FRMD4A: variants seen among roughly 807,000 people sequenced by gnomAD.
The protein encoded by FRMD4A is FERM domain-containing protein 4A.
In FRMD4A, 29 loss-of-function variants were observed where a neutral mutation model predicts 129.1. The observed-to-expected ratio is 0.22, with a 90% CI of 0.17 to 0.31. The LOEUF is 0.31. FRMD4A is among the 10% of genes least tolerant of loss of function. The pLI is 1.00. For synonymous variants in FRMD4A, 634 were observed against 571.6 expected, an observed-to-expected ratio of 1.11 and a Z score of -1.56; for missense variants, 1,272 against 1,375.8, an observed-to-expected ratio of 0.92 and a Z score of 1.19.
At position 14,328,626 on chromosome 10, in the gene FRMD4A, ATGTGTGTGTG is replaced by A. The variant is rs58681647; in HGVS notation, c.45+1422_45+1431del. Among the ~76,000 whole-genome samples the A allele has an allele frequency of 7.5e-4, 107 of 142,476 alleles. 4 individuals are homozygous for A. The highest frequency in any genetic ancestry group is 2.1e-4 in the East Asian group (1 of 4,774). 93.5% of individuals were successfully genotyped at this position (142,476 alleles called of 152,430 possible). A position where few individuals can be genotyped will look rare whatever the true frequency, so the allele number is the denominator to read the frequency against. On this transcript the variant is annotated intron_variant, in intron 2 of 24. Coordinates refer to ENST00000357447, the MANE Select transcript of FRMD4A (RefSeq NM_018027.5). Reference sequence around the variant, plus strand: ...ACTAGATAATATAATATACATATGCATGTGTGTGTGTGTGTGTGTGTGTGTGTGTGTGTGC... The same window carrying A: ...ACTAGATAATATAATATACATATGCATGTGTGTGTGTGTGTGTGTGTGTGC...
At chr10:14,130,901 C>G (rs1256301083) in intron 2 of FRMD4A, among the ~76,000 whole-genome samples, 1 of 152,170 alleles carries the variant, frequency 6.6e-6, no homozygotes. Flanking sequence ...TAAAAATTCT[C>G]CAAAGTGAGA....
intron 5 of FRMD4A, among the ~76,000 whole-genome samples, chr10:13,785,117 C>T (rs986087944): frequency 1.3e-5 from 2 of 151,988 alleles, no homozygotes; most frequent in Non-Finnish European, 2.9e-5. Context: ...CAGCTTGCAA[C>T]CTCTTGTCTA....
At chr10:14,229,028 G>C (rs1370786666) in intron 2 of FRMD4A, among the ~76,000 whole-genome samples, 1 of 152,000 alleles carries the variant, frequency 6.6e-6, no homozygotes, top group Non-Finnish European at 1.5e-5. Context: ...TGTTCATGTG[G>C]ACTTTTCTTA....
intron 12 of FRMD4A, among the ~76,000 whole-genome samples, chr10:13,724,028 A>T (rs554355533): frequency 1.3e-5 from 2 of 152,358 alleles, no homozygotes; most frequent in South Asian, 2.1e-4. Flanking sequence ...CAGAAAAGTC[A>T]TGGGACTGCC....
At chr10:14,219,733 A>C (rs1022737082) in intron 2 of FRMD4A, among the ~76,000 whole-genome samples, 10 of 152,202 alleles carry the variant, frequency 6.6e-5, no homozygotes, top group Non-Finnish European at 1.0e-4. Context: ...AGAAGTGCCC[A>C]GGGCAAGCTG....
intron 2 of FRMD4A, among the ~76,000 whole-genome samples, chr10:14,258,035 T>C (rs2132029474): frequency 6.6e-6 from 1 of 152,196 alleles, no homozygotes; most frequent in South Asian, 2.1e-4. Context: ...TTACACTATA[T>C]ATAAAAATTA....
chr10:14,117,937 C>T (rs76569347), intron 2 of FRMD4A, among the ~76,000 whole-genome samples: 5,310 of 152,198 alleles, frequency 0.035, 139 homozygotes, highest in Non-Finnish European at 0.052. Context: ...AAAGTACCCT[C>T]GTGCCTCATG....
intron 2 of FRMD4A, among the ~76,000 whole-genome samples, chr10:14,054,559 G>C (rs1429432715): frequency 3.3e-5 from 5 of 151,906 alleles, no homozygotes; most frequent in Non-Finnish European, 7.4e-5. Context: ...TACACAGCCA[G>C]CATCCTATTT....
intron 3 of FRMD4A, among the ~76,000 whole-genome samples, chr10:13,813,658 T>C (rs982481940): frequency 7.9e-5 from 12 of 152,336 alleles, no homozygotes; most frequent in African/African-American, 2.9e-4. Flanking sequence ...TCAAGCCTGT[T>C]TTATCATAGA....
At chr10:13,960,762 C>A (rs889983680) in intron 2 of FRMD4A, among the ~76,000 whole-genome samples, 9 of 152,120 alleles carry the variant, frequency 5.9e-5, no homozygotes, top group Non-Finnish European at 8.8e-5. Context: ...GTCATGTGAC[C>A]AAGTTCTGGC....
intron 2 of FRMD4A, among the ~76,000 whole-genome samples, chr10:14,166,878 A>G (rs1240162864): frequency 1.3e-5 from 2 of 152,214 alleles, no homozygotes; most frequent in East Asian, 1.9e-4. Context: ...TAGAGAGCCT[A>G]TGGGTGCTCC....
In FRMD4A at chr10:14,031,268, CAT is replaced by C. The variant is rs1491239519; in HGVS notation, c.46-172358_46-172357del. 2.6e-5 allele frequency among the ~76,000 whole-genome samples: 3 copies of C among 116,384 alleles called. No homozygotes were observed. In the East Asian group the frequency reaches 1.2e-3, roughly 47 times the overall value. The allele number at this position is 116,384 out of a possible 152,430, so 76.4% of individuals were successfully genotyped here. On this transcript the variant is annotated intron_variant, in intron 2 of 24. Coordinates refer to ENST00000357447, the MANE Select transcript of FRMD4A (RefSeq NM_018027.5). The stretch of plus-strand genomic sequence containing the variant: ...TGCATCCTCCTGAATCTTTTATAGA[CAT>C]TTTTTTTTTTTTTTGAGATGGAGTT...
At chr10:13,752,502 T>C (rs1330870692) in intron 8 of FRMD4A, among the ~76,000 whole-genome samples, 1 of 152,230 alleles carries the variant, frequency 6.6e-6, no homozygotes, top group Non-Finnish European at 1.5e-5. Context: ...GTATGTAATT[T>C]GTGGGAGAAA....
chr10:14,255,718 G>T (rs1844587179), intron 2 of FRMD4A, among the ~76,000 whole-genome samples: 1 of 152,048 alleles, frequency 6.6e-6, no homozygotes, highest in African/African-American at 2.4e-5. Context: ...TTTAAATTTT[G>T]GTTGCCAGGC....
chr10:13,757,872 T>A (rs2091927993), intron 8 of FRMD4A, among the ~76,000 whole-genome samples: 1 of 152,126 alleles, frequency 6.6e-6, no homozygotes, highest in African/African-American at 2.4e-5. Context: ...GCCTCCCGAG[T>A]ATCTGGGATT....
chr10:14,082,333 C>T (rs1835975874), intron 2 of FRMD4A, among the ~76,000 whole-genome samples: 1 of 152,116 alleles, frequency 6.6e-6, no homozygotes, highest in Admixed American at 6.5e-5. Flanking sequence ...CTGTTGAAAA[C>T]CAACATAAGT....
At chr10:13,707,215 C>A in intron 12 of FRMD4A, 102 bp from the exon 13 acceptor site, 1 of 865,572 alleles carries the variant, frequency 1.2e-6, no homozygotes, top group South Asian at 1.5e-5. Context: ...GTTTCCTTAT[C>A]AAAACAGAGA....
intron 2 of FRMD4A, among the ~76,000 whole-genome samples, chr10:14,015,447 C>T (rs2095696208): frequency 6.6e-6 from 1 of 151,014 alleles, no homozygotes; most frequent in South Asian, 2.1e-4. Flanking sequence ...CCTTCCCTTG[C>T]CTTGCTGGAC....
chr10:14,210,948 C>T (rs926541692), intron 2 of FRMD4A, among the ~76,000 whole-genome samples: 1 of 152,050 alleles, frequency 6.6e-6, no homozygotes, highest in Non-Finnish European at 1.5e-5. Flanking sequence ...AGGCTGGTCT[C>T]GAAATCCTGA....
Sources: allele counts gnomAD v4.1 joint callset (sites outside exome capture counted in the v4.1 genomes callset), GRCh38; gene constraint gnomAD v4.1.1; transcripts MANE v1.5; gene names NCBI Gene and HGNC (gene_info 2026-07-23, HGNC 2026-07-21).